DCLK2: variants seen among roughly 807,000 people sequenced by gnomAD.
The protein encoded by DCLK2 is doublecortin like kinase 2.
Under a neutral mutation model 78.4 loss-of-function variants are expected in DCLK2, and 31 were observed. That is an observed-to-expected ratio of 0.40 (90% CI 0.30 to 0.53). The LOEUF is 0.53. Ranked by LOEUF, DCLK2 falls within the 20% of genes least tolerant of loss-of-function variation. The pLI is 0.61. For missense variants in DCLK2, 872 were observed against 973.7 expected (o/e 0.90, Z 1.39); for synonymous variants, 407 against 374.9 (o/e 1.09, Z -0.99).
chr4:150,228,758 G>A (rs529161885), intron 8 of DCLK2, among the ~76,000 whole-genome samples: 27 of 152,226 alleles, frequency 1.8e-4, no homozygotes, highest in Non-Finnish European at 3.5e-4. Context: ...CGGGCGCGGT[G>A]GCTCACGCCT....
In DCLK2 at chr4:150,221,552, T is replaced by C. The variant is rs143364310; in HGVS notation, c.1133-125T>C. Reference sequence around the variant, plus strand: ...GTTCTATTCAGGAAATGTGTGCAGATATTTTATTTAGTTTCACCATAGATT... The same window carrying C: ...GTTCTATTCAGGAAATGTGTGCAGACATTTTATTTAGTTTCACCATAGATT... On this transcript the variant is annotated intron_variant, in intron 6 of 15. Coordinates refer to ENST00000296550, the MANE Select transcript of DCLK2 (RefSeq NM_001040260.4). The C allele has an allele frequency of 1.1e-3, 634 of 589,728 alleles. 4 individuals are homozygous for C. In the African/African-American group the frequency reaches 0.011, roughly 10 times the overall value. The allele number at this position is 589,728 out of a possible 1,614,324, so 36.5% of individuals were successfully genotyped here.
intron 5 of DCLK2, among the ~76,000 whole-genome samples, chr4:150,219,800 T>A (rs1312087874): frequency 6.6e-6 from 1 of 152,170 alleles, no homozygotes; most frequent in African/African-American, 2.4e-5. Context: ...ATTGAATTAT[T>A]GTAAGTATAA....
intron 2 of DCLK2, among the ~76,000 whole-genome samples, chr4:150,178,974 T>G (rs1439485711): frequency 1.3e-5 from 2 of 152,204 alleles, no homozygotes; most frequent in African/African-American, 4.8e-5. Context: ...TGATACACGA[T>G]GCCAAGGGAG....
intron 2 of DCLK2, among the ~76,000 whole-genome samples, chr4:150,133,050 T>C (rs923387041): frequency 1.3e-5 from 2 of 152,254 alleles, no homozygotes; most frequent in African/African-American, 4.8e-5. Flanking sequence ...TCATTATTAC[T>C]CACGACTTAA....
chr4:150,222,414 T>A (rs1250886047), intron 7 of DCLK2, among the ~76,000 whole-genome samples: 2 of 152,228 alleles, frequency 1.3e-5, no homozygotes, highest in African/African-American at 2.4e-5. Flanking sequence ...ATCTCCTATA[T>A]TTACCGGTGT....
At chr4:150,080,417 G>T (rs6815799) in intron 1 of DCLK2, among the ~76,000 whole-genome samples, 1 of 152,070 alleles carries the variant, frequency 6.6e-6, no homozygotes, top group Admixed American at 6.6e-5. Context: ...CATTATCAGT[G>T]GTTAAGAACC....
At chr4:150,194,296 G>A (rs1458600115) in intron 3 of DCLK2, among the ~76,000 whole-genome samples, 1 of 152,094 alleles carries the variant, frequency 6.6e-6, no homozygotes, top group Non-Finnish European at 1.5e-5. Context: ...CATATAGTCT[G>A]GGTGAGTACT....
At chr4:150,229,116 G>T (rs909308560) in intron 8 of DCLK2, among the ~76,000 whole-genome samples, 2 of 152,144 alleles carry the variant, frequency 1.3e-5, no homozygotes, top group African/African-American at 4.8e-5. Context: ...GAGGTGGGAG[G>T]ATTCCTTGAG....
intron 2 of DCLK2, among the ~76,000 whole-genome samples, chr4:150,162,598 T>C (rs933452512): frequency 6.6e-6 from 1 of 152,156 alleles, no homozygotes; most frequent in Non-Finnish European, 1.5e-5. Flanking sequence ...TAATTATGTT[T>C]CTGAGCTTTT....
intron 1 of DCLK2, among the ~76,000 whole-genome samples, chr4:150,090,155 CA>C (rs1375359050): frequency 1.8e-5 from 2 of 110,218 alleles, no homozygotes; most frequent in Non-Finnish European, 4.3e-5. Flanking sequence ...CCTGTAATCC[CA>C]GCACTTTGGG....
chr4:150,135,880 A>G (rs990579276), intron 2 of DCLK2, among the ~76,000 whole-genome samples: 1 of 152,234 alleles, frequency 6.6e-6, no homozygotes, highest in African/African-American at 2.4e-5. Flanking sequence ...CTGCTTGCTT[A>G]TGGAAGCAGC....
At position 150,248,171 on chromosome 4, in the gene DCLK2, G is replaced by A. The variant is rs184628883; in HGVS notation, c.1876-134G>A. The A allele has an allele frequency of 3.9e-4, 273 of 695,512 alleles. 1 individual carries two copies. Among genetic ancestry groups the A allele is most frequent in the Middle Eastern group, 2.4e-3 (10 of 4,116 alleles). The allele number at this position is 695,512 out of a possible 1,614,324, so 43.1% of individuals were successfully genotyped here. A position where few individuals can be genotyped will look rare whatever the true frequency, so the allele number is the denominator to read the frequency against. ...GCATTAGGAGAGTAGGTATAATCAC[G>A]TTTAGGTTTGAATCAGTTAGCAGCT... On this transcript the variant is annotated intron_variant, in intron 13 of 15. Coordinates refer to ENST00000296550, the MANE Select transcript of DCLK2 (RefSeq NM_001040260.4).
At chr4:150,180,778 GGTC>G (rs1459831776) in intron 2 of DCLK2, among the ~76,000 whole-genome samples, 2 of 152,162 alleles carry the variant, frequency 1.3e-5, no homozygotes, top group African/African-American at 4.8e-5. Context: ...CCCCAAGGTG[GGTC>G]GTAGAAACCA....
chr4:150,119,511 G>A (rs545339909), intron 2 of DCLK2, among the ~76,000 whole-genome samples: 4 of 152,258 alleles, frequency 2.6e-5, no homozygotes, highest in African/African-American at 9.6e-5. Flanking sequence ...GCTTACAAAT[G>A]GATTAGATAT....
rs1454035697 is a variant in DCLK2 at position 150,175,011 on chromosome 4, A to AAAAAAAATATATATATATAT, written c.757-18126_757-18125insAAAAAATATATATATATATA. 8.0e-4 allele frequency among the ~76,000 whole-genome samples: 8 copies of AAAAAAAATATATATATATAT among 9,976 alleles called. 4 individuals carry two copies. The highest frequency in any genetic ancestry group is 3.0e-3 in the East Asian group (2 of 660). 6.5% of individuals were successfully genotyped at this position (9,976 alleles called of 152,430 possible). The stretch of plus-strand genomic sequence containing the variant: ...AGACTCCGTCGCAAAAAAAAAAAAA[A>AAAAAAAATATATATATATAT]ATATATATATATATATATATATTTA... On this transcript the variant is annotated intron_variant, in intron 2 of 15. Coordinates refer to ENST00000296550, the MANE Select transcript of DCLK2 (RefSeq NM_001040260.4).
intron 2 of DCLK2, among the ~76,000 whole-genome samples, chr4:150,169,374 A>C (rs1431826366): frequency 2.0e-5 from 3 of 152,220 alleles, no homozygotes; most frequent in Non-Finnish European, 4.4e-5. Flanking sequence ...AAGTGGGTTC[A>C]GAGGCCTGGT....
rs140247505 is a variant in DCLK2, at chr4:150,192,121, G to C, written c.757-1017G>C. 2.1e-4 allele frequency among the ~76,000 whole-genome samples: 32 copies of C among 152,296 alleles called. 1 individual carries two copies. The highest frequency in any genetic ancestry group is 2.0e-3 in the Admixed American group (31 of 15,298). Reference sequence around the variant, plus strand: ...ATAAATGGATGAATGTGCTCCCTGGGATAGATCCAGGTTCTGTGGAACTGA... The same window carrying C: ...ATAAATGGATGAATGTGCTCCCTGGCATAGATCCAGGTTCTGTGGAACTGA... On this transcript the variant is annotated intron_variant, in intron 2 of 15. Transcript: ENST00000296550.
At chr4:150,147,769 A>T (rs1734588498) in intron 2 of DCLK2, among the ~76,000 whole-genome samples, 1 of 152,248 alleles carries the variant, frequency 6.6e-6, no homozygotes, top group South Asian at 2.1e-4. Flanking sequence ...TGTATACTCC[A>T]TGGCATCTCC....
intron 14 of DCLK2, among the ~76,000 whole-genome samples, chr4:150,248,947 T>G (rs1400352829): frequency 2.0e-5 from 3 of 152,076 alleles, no homozygotes; most frequent in Non-Finnish European, 4.4e-5. Context: ...ATTTCTCCCA[T>G]TTCCGTCATT....
Sources: gnomAD v4.1 joint callset for allele counts (sites outside exome capture counted in the v4.1 genomes callset) on GRCh38, gnomAD v4.1.1 for gene constraint, MANE v1.5 for transcripts, NCBI Gene and HGNC (gene_info 2026-07-23, HGNC 2026-07-21) for gene names.